Variants in PCDH15 observed in about 807,000 individuals in gnomAD.
PCDH15 encodes protocadherin-15.
Under a neutral mutation model 178.5 loss-of-function variants are expected in PCDH15, and 129 were observed. That is an observed-to-expected ratio of 0.72 (90% CI 0.63 to 0.84). PCDH15 has a LOEUF of 0.84. Ranked by LOEUF, PCDH15 falls within the 40% of genes least tolerant of loss-of-function variation. The pLI is 0.00. For synonymous variants in PCDH15, 800 were observed against 732.0 expected (o/e 1.09, Z -1.50); for missense variants, 2,230 against 2,099.9 (o/e 1.06, Z -1.21).
chr10:54,231,420 G>A (rs938820110), intron 9 of PCDH15, among the ~76,000 whole-genome samples: 5 of 152,252 alleles, frequency 3.3e-5, no homozygotes, highest in African/African-American at 1.2e-4. Flanking sequence ...TGGATGTCCA[G>A]GCAGAAATCT....
intron 1 of PCDH15, among the ~76,000 whole-genome samples, chr10:54,679,005 A>G (rs1438072091): frequency 6.6e-6 from 1 of 151,816 alleles, no homozygotes; most frequent in African/African-American, 2.4e-5. Flanking sequence ...CTTGGCTAAC[A>G]CGGTGAAACC....
At chr10:53,823,351 G>A (rs146455585) in intron 32 of PCDH15, 4 of 1,612,884 alleles carry the variant, frequency 2.5e-6, no homozygotes, top group African/African-American at 2.7e-5. Context: ...TGGTAGAGAA[G>A]GAAAAGACTT....
intron 29 of PCDH15, among the ~76,000 whole-genome samples, chr10:53,835,319 G>A (rs2077243629): frequency 6.6e-6 from 1 of 152,052 alleles, no homozygotes; most frequent in Non-Finnish European, 1.5e-5. Flanking sequence ...TTTTTAAATA[G>A]GCTGGATATA....
intron 2 of PCDH15, among the ~76,000 whole-genome samples, chr10:54,912,925 G>C (rs1395615303): frequency 6.6e-6 from 1 of 152,142 alleles, no homozygotes. Flanking sequence ...GCTTAGAAAA[G>C]AGACTGTTGG....
chr10:54,198,104 T>C (rs2049856735), intron 10 of PCDH15, among the ~76,000 whole-genome samples: 1 of 152,184 alleles, frequency 6.6e-6, no homozygotes, highest in African/African-American at 2.4e-5. Flanking sequence ...TGTTTGGTCC[T>C]GTCTGGGATT....
chr10:55,497,725 C>A (rs1840566918), intron 2 of PCDH15, among the ~76,000 whole-genome samples: 1 of 151,838 alleles, frequency 6.6e-6, no homozygotes, highest in Admixed American at 6.6e-5. Context: ...TTTGAGTGTT[C>A]TGAAACCCAT....
intron 14 of PCDH15, among the ~76,000 whole-genome samples, chr10:54,144,063 T>C (rs1369661338): frequency 8.1e-6 from 1 of 122,738 alleles, no homozygotes; most frequent in Non-Finnish European, 1.6e-5. Context: ...TGTCCTGCTA[T>C]GACTTGCCTT....
intron 2 of PCDH15, among the ~76,000 whole-genome samples, chr10:55,481,847 G>A (rs569523980): frequency 1.3e-5 from 2 of 151,858 alleles, no homozygotes; most frequent in South Asian, 2.1e-4. Flanking sequence ...TGTCTATCAG[G>A]TGCATTTGAT....
intron 1 of PCDH15, among the ~76,000 whole-genome samples, chr10:54,711,378 G>C (rs1195094488): frequency 1.3e-5 from 2 of 151,812 alleles, no homozygotes; most frequent in African/African-American, 4.8e-5. Flanking sequence ...TATTTAATCT[G>C]ACAAACATGA....
intron 10 of PCDH15, among the ~76,000 whole-genome samples, chr10:54,202,356 G>C (rs2050321931): frequency 6.6e-6 from 1 of 151,996 alleles, no homozygotes; most frequent in Admixed American, 6.6e-5. Flanking sequence ...AAGAAAAAGA[G>C]GGAATAAAGG....
chr10:54,992,518 C>A (rs1000988118), intron 2 of PCDH15, among the ~76,000 whole-genome samples: 1 of 151,824 alleles, frequency 6.6e-6, no homozygotes, highest in African/African-American at 2.4e-5. Context: ...TTTGGGAGGC[C>A]GAGGCGGGCA....
In PCDH15 at chr10:53,952,741, C is replaced by T. The variant is rs143281173; in HGVS notation, c.3122+6991G>A. Among the ~76,000 whole-genome samples, 1,369 of 152,324 alleles carry T rather than the reference C, an allele frequency of 9.0e-3. 19 individuals carry two copies. The highest frequency in any genetic ancestry group is 0.032 in the African/African-American group (1,321 of 41,572). On this transcript the variant is annotated intron_variant, in intron 23 of 37. Coordinates refer to ENST00000644397, the MANE Select transcript of PCDH15 (RefSeq NM_001384140.1). Reference sequence around the variant, plus strand: ...TGTGCCCAAGAGGTTCCTGCAGGCCCGCTCCAGGCCACCCCCAGCCCCACC... The same window carrying T: ...TGTGCCCAAGAGGTTCCTGCAGGCCTGCTCCAGGCCACCCCCAGCCCCACC...
intron 3 of PCDH15, among the ~76,000 whole-genome samples, chr10:54,455,844 T>C (rs1268452733): frequency 6.6e-6 from 1 of 152,150 alleles, no homozygotes; most frequent in African/African-American, 2.4e-5. Context: ...GCATCCCAGC[T>C]GCTTCAGCTC....
At chr10:55,231,582 A>C (rs944856564) in intron 1 of PCDH15, among the ~76,000 whole-genome samples, 1 of 152,048 alleles carries the variant, frequency 6.6e-6, no homozygotes, top group Non-Finnish European at 1.5e-5. Context: ...GATTCCAGAA[A>C]TTAGCAAATT....
chr10:55,162,719 G>A (rs1337199998), intron 2 of PCDH15, among the ~76,000 whole-genome samples: 2 of 152,138 alleles, frequency 1.3e-5, no homozygotes, highest in Non-Finnish European at 2.9e-5. Context: ...GGTCTGGATT[G>A]CGACCTCTTT....
At chr10:54,017,850 C>T (rs189136647) in intron 20 of PCDH15, among the ~76,000 whole-genome samples, 20 of 152,104 alleles carry the variant, frequency 1.3e-4, no homozygotes, top group Non-Finnish European at 2.2e-4. Context: ...GGAATACTTC[C>T]GTGTTTCACT....
chr10:55,175,569 C>T (rs576389951), intron 1 of PCDH15, among the ~76,000 whole-genome samples: 19 of 147,438 alleles, frequency 1.3e-4, no homozygotes, highest in Admixed American at 9.7e-4. Flanking sequence ...GGGTGGCTGG[C>T]GCAAGAGAAT....
chr10:54,415,607 T>C (rs2135716110), intron 3 of PCDH15, among the ~76,000 whole-genome samples: 2 of 147,858 alleles, frequency 1.4e-5, no homozygotes, highest in Middle Eastern at 7.1e-3. Flanking sequence ...GTGATATATG[T>C]GAAAAGAAAA....
chr10:55,259,392 C>CT (rs1488910864), intron 1 of PCDH15, among the ~76,000 whole-genome samples: 1 of 152,054 alleles, frequency 6.6e-6, no homozygotes, highest in African/African-American at 2.4e-5. Context: ...GTATCAGAAT[C>CT]TAAGTAAAGA....
Sources: gnomAD v4.1 joint callset for allele counts (sites outside exome capture counted in the v4.1 genomes callset) on GRCh38, gnomAD v4.1.1 for gene constraint, MANE v1.5 for transcripts, NCBI Gene and HGNC (gene_info 2026-07-23, HGNC 2026-07-21) for gene names.